Variants in C1orf146 observed in about 807,000 individuals in gnomAD.
The protein encoded by C1orf146 is protein SPO16 homolog.
Under a neutral mutation model 23.0 loss-of-function variants are expected in C1orf146, and 22 were observed. The ratio of observed to expected loss-of-function variants is 0.96; its 90% CI spans 0.68 to 1.36. C1orf146 has a LOEUF of 1.36. Among genes scored for constraint, C1orf146 ranks in the 40% most tolerant of loss-of-function variants. The pLI, the probability that C1orf146 is intolerant of heterozygous loss-of-function variation, is 0.00. For missense variants in C1orf146, 199 were observed against 206.8 expected, an observed-to-expected ratio of 0.96 and a Z score of 0.23; for synonymous variants, 59 against 65.3, an observed-to-expected ratio of 0.90 and a Z score of 0.47.
At chr1:92,244,132 T>TAA (rs10676893) in intron 3 of C1orf146, 85 bp from the exon 4 acceptor site, 8 of 860,728 alleles carry the variant, frequency 9.3e-6, no homozygotes, top group African/African-American at 6.8e-5. Flanking sequence ...GTGGTATACT[T>TAA]AGTTATTTTG....
intron 1 of C1orf146, among the ~76,000 whole-genome samples, chr1:92,227,264 C>T (rs1454790032): frequency 3.3e-5 from 5 of 152,090 alleles, no homozygotes; most frequent in East Asian, 1.9e-4. Flanking sequence ...GGTATTTGGC[C>T]GGGCGTGGTG....
chr1:92,228,928 A>G (rs1652035434), intron 1 of C1orf146: 4 of 418,814 alleles, frequency 9.6e-6, no homozygotes, highest in South Asian at 7.6e-5. Flanking sequence ...TGAGGCTAGC[A>G]TGAGATGTAT....
chr1:92,243,321 C>T (rs1652475633), intron 3 of C1orf146, among the ~76,000 whole-genome samples: 2 of 152,056 alleles, frequency 1.3e-5, no homozygotes, highest in South Asian at 4.2e-4. Flanking sequence ...CAGATATCTG[C>T]TCACTGAGTG....
chr1:92,243,716 GTTGCTGAACA>G (rs1652489814), intron 3 of C1orf146, among the ~76,000 whole-genome samples: 1 of 152,086 alleles, frequency 6.6e-6, no homozygotes, highest in African/African-American at 2.4e-5. Context: ...GAGCCTCTTG[GTTGCTGAACA>G]CATGGAGGTG....
chr1:92,225,120 T>A (rs939532610), intron 1 of C1orf146, among the ~76,000 whole-genome samples: 3 of 150,592 alleles, frequency 2.0e-5, no homozygotes, highest in African/African-American at 7.3e-5. Flanking sequence ...CTTTTTTTTT[T>A]TTTTTTTTCT....
intron 2 of C1orf146, among the ~76,000 whole-genome samples, chr1:92,236,754 C>T (rs948812680): frequency 2.0e-4 from 30 of 152,186 alleles, no homozygotes; most frequent in Middle Eastern, 3.2e-3. Flanking sequence ...ACCAATCAGA[C>T]GTAGATTTGG....
intron 3 of C1orf146, among the ~76,000 whole-genome samples, chr1:92,243,826 T>C (rs541930211): frequency 1.2e-4 from 18 of 152,326 alleles, no homozygotes; most frequent in African/African-American, 3.4e-4. Context: ...CTGTATCCTT[T>C]GTAGTGTCCT....
rs71091269 is a variant in C1orf146 at position 92,219,496 on chromosome 1, C to CTTTTTT, written c.-40+1468_-40+1473dup. Among the ~76,000 whole-genome samples, 709 of 80,582 alleles carry CTTTTTT rather than the reference C, an allele frequency of 8.8e-3. 31 individuals are homozygous for CTTTTTT. Among genetic ancestry groups the CTTTTTT allele is most frequent in the Middle Eastern group, 0.015 (1 of 66 alleles). The allele number at this position is 80,582 out of a possible 152,430, so 52.9% of individuals were successfully genotyped here. A position where few individuals can be genotyped will look rare whatever the true frequency, so the allele number is the denominator to read the frequency against. On this transcript the variant is annotated intron_variant, in intron 1 of 5. Transcript: ENST00000370375. ...CATCACTGAAAGTGACTTTCTCTTTCTTTTTTTTTTTTTTTTTTTTTTTTT... is the reference window on the plus strand; with the variant it reads ...CATCACTGAAAGTGACTTTCTCTTTCTTTTTTTTTTTTTTTTTTTTTTTTTTTTTTT...
At chr1:92,220,735 C>T (rs1176303314) in intron 1 of C1orf146, among the ~76,000 whole-genome samples, 1 of 152,116 alleles carries the variant, frequency 6.6e-6, no homozygotes, top group African/African-American at 2.4e-5. Flanking sequence ...CATACTGTGA[C>T]CGCCAATTCT....
intron 1 of C1orf146, chr1:92,228,926 G>C: frequency 2.4e-6 from 1 of 418,058 alleles, no homozygotes; most frequent in Non-Finnish European, 4.7e-6. Flanking sequence ...CGTGAGGCTA[G>C]CATGAGATGT....
At chr1:92,238,604 AT>A (rs151261002) in intron 2 of C1orf146, among the ~76,000 whole-genome samples, 15,302 of 148,972 alleles carry the variant, frequency 0.1, 996 homozygotes, top group Non-Finnish European at 0.14. Context: ...TAATTTTACC[AT>A]TTTTTTTTTA....
At chr1:92,231,291 A>G in intron 1 of C1orf146, 91 bp from the exon 2 acceptor site, 1 of 589,914 alleles carries the variant, frequency 1.7e-6, no homozygotes, top group Non-Finnish European at 2.9e-6. Context: ...TATTCTTTAA[A>G]ATGTCTCCAA....
At chr1:92,229,327 A>G (rs1257753332) in intron 1 of C1orf146, 2 of 548,848 alleles carry the variant, frequency 3.6e-6, no homozygotes, top group African/African-American at 1.9e-5. Flanking sequence ...TGGGTGCCAC[A>G]GGATTCCATG....
intron 1 of C1orf146, among the ~76,000 whole-genome samples, chr1:92,230,615 C>CA (rs758993794): frequency 0.032 from 3,934 of 123,154 alleles, 108 homozygotes; most frequent in African/African-American, 0.08. Context: ...GATTCCGTCT[C>CA]AAAAAAAAAA....
chr1:92,241,157 T>G lies in C1orf146; in HGVS notation c.67-1055T>G, dbSNP rs78307126. On this transcript the variant is annotated intron_variant, in intron 2 of 5. Transcript: ENST00000370375. ...CCACCTATTTTCCATAGTTATACAT[T>G]AATGCATGTCAGAATCCATCTCCAA... Among the ~76,000 whole-genome samples, 1,103 of 150,436 alleles carry G rather than the reference T, an allele frequency of 7.3e-3. 15 individuals carry two copies. Among genetic ancestry groups the G allele is most frequent in the African/African-American group, 0.026 (1,055 of 41,142 alleles).
chr1:92,231,479 C>G lies in C1orf146; in HGVS notation c.59C>G (p.Ser20Cys), dbSNP rs1178152417. ...KWTTTIIISS[S>C]LKSYEVATAL... ...ACAACCACCATTATTATTAGCTCAT[C>G]TCTTAAGGTAAAGGGGCATTTGGGC... is the stretch of plus-strand genomic sequence containing the variant. The change falls in exon 2 of 6, where the codon TCT (serine) becomes TGT (cysteine). Residue 20 changes from serine to cysteine, a missense_variant. By Grantham distance (112) the Ser-to-Cys change is moderately radical. Coordinates refer to ENST00000370375, the MANE Select transcript of C1orf146 (RefSeq NM_001012425.2). 1 of 1,607,252 alleles carries G rather than the reference C, an allele frequency of 6.2e-7. No individual in the cohort carries two copies.
chr1:92,239,743 CCT>C (rs941368648), intron 2 of C1orf146, among the ~76,000 whole-genome samples: 29 of 150,846 alleles, frequency 1.9e-4, no homozygotes, highest in African/African-American at 6.8e-4. Context: ...AGAGTGAGAC[CCT>C]GTCTCAAAAA....
At chr1:92,226,400 CACACACACACACACAT>C (rs1490713759) in intron 1 of C1orf146, among the ~76,000 whole-genome samples, 3 of 137,248 alleles carry the variant, frequency 2.2e-5, no homozygotes, top group South Asian at 2.1e-4. Context: ...TGCACGCATG[CACACACACACACACAT>C]ACACACACAC....
intron 1 of C1orf146, among the ~76,000 whole-genome samples, chr1:92,223,041 A>G (rs1271509753): frequency 6.6e-6 from 1 of 152,070 alleles, no homozygotes; most frequent in Non-Finnish European, 1.5e-5. Context: ...ACGCCATTGT[A>G]TGAATATATT....
Sources: gnomAD v4.1 joint callset for allele counts (sites outside exome capture counted in the v4.1 genomes callset) on GRCh38, gnomAD v4.1.1 for gene constraint, MANE v1.5 for transcripts, NCBI Gene and HGNC (gene_info 2026-07-23, HGNC 2026-07-21) for gene names.